LANCL2: variants seen among roughly 807,000 people sequenced by gnomAD.
LANCL2 encodes the protein LanC like glutathione S-transferase 2, also known as lanC-like protein 2.
LANCL2 carries 33 observed loss-of-function variants against 56.9 expected under a neutral mutation model. The ratio of observed to expected loss-of-function variants is 0.58; its 90% confidence interval spans 0.44 to 0.78. The LOEUF is 0.78. Among genes scored for constraint, LANCL2 ranks in the 30% least tolerant of loss-of-function variants. LANCL2 has a pLI of 0.00. For missense variants in LANCL2, 562 were observed against 580.2 expected, an observed-to-expected ratio of 0.97 and a Z score of 0.32; for synonymous variants, 233 against 228.2, an observed-to-expected ratio of 1.02 and a Z score of -0.19.
intron 6 of LANCL2, among the ~76,000 whole-genome samples, chr7:55,417,269 G>A (rs1055635334): frequency 1.3e-5 from 2 of 151,944 alleles, no homozygotes; most frequent in Non-Finnish European, 1.5e-5. Flanking sequence ...GTGAGCCACC[G>A]TGCCCAGCCT....
chr7:55,383,838 C>CTT (rs1329203482), intron 1 of LANCL2, among the ~76,000 whole-genome samples: 2 of 137,308 alleles, frequency 1.5e-5, no homozygotes, highest in Non-Finnish European at 3.3e-5. Flanking sequence ...CTTCGTCTCT[C>CTT]TCTATATATA....
intron 1 of LANCL2, among the ~76,000 whole-genome samples, chr7:55,373,948 G>A (rs1246482280): frequency 2.0e-5 from 3 of 152,166 alleles, no homozygotes; most frequent in Admixed American, 6.5e-5. Context: ...ATAACAAACC[G>A]AGTTTCTTTT....
At chr7:55,387,036 A>G (rs1194186589) in intron 1 of LANCL2, among the ~76,000 whole-genome samples, 4 of 152,194 alleles carry the variant, frequency 2.6e-5, no homozygotes, top group Non-Finnish European at 2.9e-5. Context: ...AGAAGATAAA[A>G]GTTTGGGTTT....
At chr7:55,393,937 C>T (rs1005368552) in intron 2 of LANCL2, 9 of 152,184 alleles carry the variant, frequency 5.9e-5, no homozygotes, top group Admixed American at 6.5e-5. Context: ...TTAGTCTCAA[C>T]GGGTTTCCCC....
chr7:55,368,034 C>CT (rs1363383596), intron 1 of LANCL2, among the ~76,000 whole-genome samples: 28 of 152,262 alleles, frequency 1.8e-4, no homozygotes, highest in African/African-American at 6.5e-4. Flanking sequence ...ATCATTCATT[C>CT]TTATTACCAG....
At chr7:55,391,392 T>C (rs1790189037) in intron 1 of LANCL2, among the ~76,000 whole-genome samples, 1 of 152,222 alleles carries the variant, frequency 6.6e-6, no homozygotes, top group Non-Finnish European at 1.5e-5. Flanking sequence ...GGTCTAGTTA[T>C]GTATTATGTT....
chr7:55,415,299 C>T (rs940232836), intron 6 of LANCL2, among the ~76,000 whole-genome samples: 4 of 152,204 alleles, frequency 2.6e-5, no homozygotes, highest in African/African-American at 9.6e-5. Flanking sequence ...AGATGCTGAA[C>T]TGAATCTGGC....
At position 55,380,206 on chromosome 7, in the gene LANCL2, G is replaced by A. The variant is rs567627058; in HGVS notation, c.205-11587G>A. Among the ~76,000 whole-genome samples the A allele has an allele frequency of 4.6e-5, 7 of 152,264 alleles. No individual in the cohort carries two copies. In the East Asian group the frequency reaches 5.8e-4, roughly 13 times the overall value. On this transcript the variant is annotated intron_variant, in intron 1 of 8. Transcript: ENST00000254770. ...AAATATAATGTCAAAGGGGAAAGTC[G>A]TATTCAGTACTTTTAGCAAAAATAT...
intron 6 of LANCL2, among the ~76,000 whole-genome samples, chr7:55,421,761 G>A (rs368395028): frequency 2.0e-5 from 3 of 152,092 alleles, no homozygotes; most frequent in East Asian, 1.9e-4. Flanking sequence ...GAGCCACTTC[G>A]CATAAACTGT....
intron 6 of LANCL2, 66 bp from the exon 7 acceptor site, chr7:55,425,188 A>G (rs966230144): frequency 2.0e-6 from 3 of 1,505,540 alleles, no homozygotes; most frequent in Non-Finnish European, 2.7e-6. Flanking sequence ...CCAGAAAGGG[A>G]AAGTATTTTG....
At position 55,431,428 on chromosome 7, in the gene LANCL2, C is replaced by T. The variant is rs781066545; in HGVS notation, c.*108C>T. 2.6e-5 allele frequency: 19 copies of T among 719,660 alleles called. No individual in the cohort carries two copies. Among genetic ancestry groups the T allele is most frequent in the Non-Finnish European group, 4.4e-5 (19 of 434,384 alleles). 44.6% of individuals were successfully genotyped at this position (719,660 alleles called of 1,614,324 possible). On this transcript the variant is annotated 3_prime_UTR_variant, in exon 9 of 9. Transcript: ENST00000254770. ...ATCCTGAAAGAGAAGCAGACACCGT[C>T]ACAGGCCCCTCTGGTTAGACTAGCA...
chr7:55,428,483 G>C (rs1423886132), intron 8 of LANCL2, 36 bp downstream of exon 8: 3 of 1,571,020 alleles, frequency 1.9e-6, no homozygotes, highest in Non-Finnish European at 2.6e-6. Context: ...TTAAATGTTT[G>C]GGTGAAATTG....
At chr7:55,367,188 T>G (rs1789884774) in intron 1 of LANCL2, among the ~76,000 whole-genome samples, 1 of 152,140 alleles carries the variant, frequency 6.6e-6, no homozygotes, top group African/African-American at 2.4e-5. Flanking sequence ...AGGCAAAAAG[T>G]GGGAATAAAA....
At chr7:55,385,966 C>T (rs368923706) in intron 1 of LANCL2, among the ~76,000 whole-genome samples, 4 of 152,190 alleles carry the variant, frequency 2.6e-5, no homozygotes, top group East Asian at 3.8e-4. Context: ...AAGAATTCAG[C>T]GATATTTCTC....
chr7:55,428,845 T>G (rs1790697024), intron 8 of LANCL2, among the ~76,000 whole-genome samples: 1 of 152,182 alleles, frequency 6.6e-6, no homozygotes, highest in Non-Finnish European at 1.5e-5. Context: ...TAATTAATAT[T>G]AGCAATTAGA....
In LANCL2 at chr7:55,391,813, A is replaced by G. The variant is rs1562861104; in HGVS notation, c.225A>G (p.Arg75=). The change falls in exon 2 of 9, where the codon AGA becomes AGG. Residue 75 remains arginine (R), a synonymous_variant. Transcript: ENST00000254770. ...QDGKIIHNFI[R]RIQTKIKDLL... ...CTCAGATCATTCATAATTTCATAAG[A>G]CGGATCCAGACCAAAATTAAAGATC... 2 of 1,603,704 alleles carry G rather than the reference A, an allele frequency of 1.2e-6. No individual in the cohort carries two copies. The highest frequency in any genetic ancestry group is 8.5e-7 in the Non-Finnish European group (1 of 1,170,882).
chr7:55,369,755 A>G (rs979755204), intron 1 of LANCL2, among the ~76,000 whole-genome samples: 4 of 152,202 alleles, frequency 2.6e-5, no homozygotes, highest in Non-Finnish European at 4.4e-5. Context: ...GGTACCATGC[A>G]GAGTTTAATA....
chr7:55,386,117 C>G (rs1227338209), intron 1 of LANCL2, among the ~76,000 whole-genome samples: 1 of 152,036 alleles, frequency 6.6e-6, no homozygotes, highest in East Asian at 1.9e-4. Flanking sequence ...TTCATATTGC[C>G]CAAACACACA....
chr7:55,381,015 G>A (rs1420961105), intron 1 of LANCL2, among the ~76,000 whole-genome samples: 2 of 151,974 alleles, frequency 1.3e-5, no homozygotes, highest in East Asian at 1.9e-4. Flanking sequence ...GGGATTACAC[G>A]CGTGTGCCAC....
Sources: gnomAD v4.1 joint callset for allele counts (sites outside exome capture counted in the v4.1 genomes callset) on GRCh38, gnomAD v4.1.1 for gene constraint, MANE v1.5 for transcripts, NCBI Gene and HGNC (gene_info 2026-07-23, HGNC 2026-07-21) for gene names.